SULF1: variants seen among roughly 807,000 people sequenced by gnomAD.
SULF1 encodes the protein extracellular sulfatase Sulf-1.
In SULF1, 46 loss-of-function variants were observed where a neutral mutation model predicts 110.5. The observed-to-expected ratio is 0.42, with a 90% CI of 0.33 to 0.53. The LOEUF (loss-of-function observed/expected upper bound fraction) is 0.53. SULF1 is among the 20% of genes least tolerant of loss of function. The pLI, the probability that SULF1 is intolerant of heterozygous loss-of-function variation, is 0.12. For missense variants in SULF1, 941 were observed against 1,094.2 expected (o/e 0.86, Z 1.98); for synonymous variants, 371 against 387.1 (o/e 0.96, Z 0.49).
At chr8:69,571,016 TTAAAA>T (rs1292230882) in intron 5 of SULF1, among the ~76,000 whole-genome samples, 60 of 152,222 alleles carry the variant, frequency 3.9e-4, no homozygotes, top group African/African-American at 1.4e-3. Flanking sequence ...ATGGGACAAC[TTAAAA>T]TAACAATGAA....
At chr8:69,523,623 A>C (rs1812467694) in intron 3 of SULF1, among the ~76,000 whole-genome samples, 1 of 151,708 alleles carries the variant, frequency 6.6e-6, no homozygotes, top group Non-Finnish European at 1.5e-5. Context: ...AGAGAGGGGG[A>C]AGGAGGTTGA....
At chr8:69,610,609 C>T (rs1186845146) in intron 13 of SULF1, among the ~76,000 whole-genome samples, 1 of 152,242 alleles carries the variant, frequency 6.6e-6, no homozygotes, top group African/African-American at 2.4e-5. Flanking sequence ...TTCCTTCCCT[C>T]TTCAACCCAT....
intron 3 of SULF1, among the ~76,000 whole-genome samples, chr8:69,532,081 T>C (rs1009880660): frequency 3.9e-5 from 6 of 152,310 alleles, no homozygotes; most frequent in African/African-American, 1.4e-4. Context: ...GCAAGAGTTA[T>C]TCATGAAGCC....
chr8:69,545,675 T>G (rs1187206158), intron 3 of SULF1, among the ~76,000 whole-genome samples: 2 of 152,138 alleles, frequency 1.3e-5, no homozygotes, highest in African/African-American at 2.4e-5. Context: ...TGTTTTGTTT[T>G]GTTTTGTTTT....
chr8:69,646,312 T>A (rs1043249606), intron 22 of SULF1, among the ~76,000 whole-genome samples: 1 of 152,206 alleles, frequency 6.6e-6, no homozygotes, highest in African/African-American at 2.4e-5. Context: ...TGAGGACCAG[T>A]TGCTAACAGT....
chr8:69,496,773 A>G (rs184498556), intron 2 of SULF1, among the ~76,000 whole-genome samples: 1 of 152,310 alleles, frequency 6.6e-6, no homozygotes, highest in African/African-American at 2.4e-5. Flanking sequence ...ATTTACTCCC[A>G]ACTGGGTGCT....
intron 13 of SULF1, among the ~76,000 whole-genome samples, chr8:69,619,642 T>C (rs1048361501): frequency 2.6e-5 from 4 of 152,222 alleles, no homozygotes; most frequent in African/African-American, 9.6e-5. Context: ...GTGAACTCTG[T>C]CTCACATAGC....
At chr8:69,629,458 G>A in intron 18 of SULF1, 46 bp from the exon 19 acceptor site, 5 of 1,551,472 alleles carry the variant, frequency 3.2e-6, no homozygotes, top group Non-Finnish European at 4.3e-6. Context: ...TTGTAATTGA[G>A]AAAGTGCCTT....
At chr8:69,503,022 A>G (rs1252481346) in intron 3 of SULF1, among the ~76,000 whole-genome samples, 1 of 152,134 alleles carries the variant, frequency 6.6e-6, no homozygotes, top group East Asian at 1.9e-4. Context: ...CGTTGGCCCA[A>G]GGTGGCTTGG....
At chr8:69,633,273 A>C (rs1308407614) in intron 19 of SULF1, among the ~76,000 whole-genome samples, 4 of 151,546 alleles carry the variant, frequency 2.6e-5, no homozygotes, top group African/African-American at 9.7e-5. Context: ...TGACTCAGAA[A>C]GATTTTCTGG....
At chr8:69,575,949 T>A (rs1805580175) in intron 5 of SULF1, 21 bp from the exon 6 acceptor site, 1 of 1,612,092 alleles carries the variant, frequency 6.2e-7, no homozygotes, top group African/African-American at 1.3e-5. Context: ...TGCTAAACAA[T>A]GCTGGCACTG....
At position 69,635,669 on chromosome 8, in the gene SULF1, C is replaced by T. The variant is rs145813558; in HGVS notation, c.2285-2833C>T. On this transcript the variant is annotated intron_variant, in intron 19 of 22. Coordinates refer to ENST00000402687, the MANE Select transcript of SULF1 (RefSeq NM_001128205.2). ...GGCAGATCGCTTGAGTGTCGGAGTT[C>T]GAGACCAGCCTAGGCAACATGCCAA... Among the ~76,000 whole-genome samples, 925 of 152,072 alleles carry T rather than the reference C, an allele frequency of 6.1e-3. 13 individuals carry two copies. The highest frequency in any genetic ancestry group is 0.021 in the African/African-American group (865 of 41,470).
chr8:69,488,902 CG>C (rs1167628285), upstream of SULF1, among the ~76,000 whole-genome samples: 2 of 151,980 alleles, frequency 1.3e-5, no homozygotes, highest in Admixed American at 1.3e-4. Flanking sequence ...TGAGGCTCCC[CG>C]GGGAAGGTGT....
chr8:69,495,649 AG>A (rs1563467706), intron 1 of SULF1, 115 bp from the exon 2 acceptor site: 1 of 152,220 alleles, frequency 6.6e-6, no homozygotes. Flanking sequence ...ACTTCTTCAG[AG>A]ACTTCAGAAA....
chr8:69,604,349 T>C (rs2130420070), intron 12 of SULF1, among the ~76,000 whole-genome samples: 1 of 152,298 alleles, frequency 6.6e-6, no homozygotes, highest in South Asian at 2.1e-4. Context: ...CCTACTTCTT[T>C]TCCTTGTGTG....
intron 19 of SULF1, 146 bp from the exon 20 acceptor site, chr8:69,638,356 T>C: frequency 1.1e-6 from 1 of 934,248 alleles, no homozygotes; most frequent in Non-Finnish European, 1.6e-6. Flanking sequence ...GGAAAGGTAT[T>C]ATTATTCTTA....
intron 1 of SULF1, among the ~76,000 whole-genome samples, chr8:69,468,613 T>G (rs1808955891): frequency 6.6e-6 from 1 of 152,190 alleles, no homozygotes; most frequent in Non-Finnish European, 1.5e-5. Flanking sequence ...CTGAAGTCTT[T>G]CGGAGTTCCA....
chr8:69,575,976 T>C lies in SULF1; in HGVS notation c.179T>C (p.Leu60Pro). ...CTGGCACTGTGCCTTTCAGGGTCCCTGCAAGTCATGAACAAAACGAGAAAG... is the reference window on the plus strand; with the variant it reads ...CTGGCACTGTGCCTTTCAGGGTCCCCGCAAGTCATGAACAAAACGAGAAAG... ...TDDQDVELGS[L>P]QVMNKTRKIM... The change falls in exon 6 of 23, where the codon CTG (leucine) becomes CCG (proline). Residue 60 changes from leucine (L) to proline (P), a missense_variant. By Grantham distance (98) the Leu-to-Pro change is moderately conservative. Transcript: ENST00000402687. The C allele has an allele frequency of 6.2e-7, 1 of 1,613,748 alleles. No homozygotes were observed. The highest frequency in any genetic ancestry group is 8.5e-7 in the Non-Finnish European group (1 of 1,179,812).
At chr8:69,537,794 C>T (rs1218359185) in intron 3 of SULF1, among the ~76,000 whole-genome samples, 3 of 152,188 alleles carry the variant, frequency 2.0e-5, no homozygotes, top group Non-Finnish European at 4.4e-5. Context: ...TGACTTTCAA[C>T]TTCTCGCTTT....
Sources: gnomAD v4.1 joint callset for allele counts (sites outside exome capture counted in the v4.1 genomes callset) on GRCh38, gnomAD v4.1.1 for gene constraint, MANE v1.5 for transcripts, NCBI Gene and HGNC (gene_info 2026-07-23, HGNC 2026-07-21) for gene names.